PCDHA8: variants seen among roughly 807,000 people sequenced by gnomAD.
The protein encoded by PCDHA8 is protocadherin alpha-8.
A neutral mutation model predicts 61.8 loss-of-function variants in PCDHA8; 53 were observed. That is an observed-to-expected ratio of 0.86 (90% CI 0.69 to 1.08). The LOEUF (loss-of-function observed/expected upper bound fraction) is 1.08, where lower values mean the gene tolerates loss of function less well. PCDHA8 is among the 50% of genes least tolerant of loss of function. The pLI is 0.00. For missense variants in PCDHA8, 1,293 were observed against 1,245.0 expected (o/e 1.04, Z -0.58); for synonymous variants, 618 against 556.6 (o/e 1.11, Z -1.55).
chr5:140,968,614 A>G, intron 1 of PCDHA8: 5 of 1,614,142 alleles, frequency 3.1e-6, no homozygotes, highest in Non-Finnish European at 4.2e-6. Flanking sequence ...ACTCTGGGCA[A>G]AATGCTTGGC....
rs1310141347 is a variant in PCDHA8, at chr5:140,970,963, T to C, written c.2395-7986T>C. ...TGCTGAGAAACCATGGGAGGCAGAT[T>C]GTAGATTAAGAAAAATGGGGGAATA... On this transcript the variant is annotated intron_variant, in intron 1 of 3. Coordinates refer to ENST00000531613, the MANE Select transcript of PCDHA8 (RefSeq NM_018911.3). Among the ~76,000 whole-genome samples, 41 of 152,180 alleles carry C rather than the reference T, an allele frequency of 2.7e-4. 1 individual carries two copies. Among genetic ancestry groups the C allele is most frequent in the Admixed American group, 2.7e-3 (41 of 15,274 alleles).
Position 140,850,649 on chromosome 5 carries a change from C to T in PCDHA8, c.2394+6934C>T, listed in dbSNP as rs1413606456. The T allele has an allele frequency of 2.5e-6, 4 of 1,598,500 alleles. 1 individual carries two copies. Among genetic ancestry groups the T allele is most frequent in the Non-Finnish European group, 2.6e-6 (3 of 1,167,902 alleles). ...TGTTGGTTCTCACGCTGCTGCTGTA[C>T]ACTGTGCTGCGGTGCTCGGCGATGC... On this transcript the variant is annotated intron_variant, in intron 1 of 3. Transcript: ENST00000531613.
chr5:140,994,314 C>T (rs936811729), intron 3 of PCDHA8, among the ~76,000 whole-genome samples: 4 of 152,192 alleles, frequency 2.6e-5, no homozygotes, highest in African/African-American at 9.6e-5. Flanking sequence ...AGGGCCCAAA[C>T]ACTCTCAGCA....
At chr5:140,860,192 C>CATATATATATAT (rs143984774) in intron 1 of PCDHA8, 7 of 146,860 alleles carry the variant, frequency 4.8e-5, no homozygotes, top group African/African-American at 1.8e-4. Context: ...GCTCTCCTTA[C>CATATATATATAT]ATATATATCT....
chr5:140,982,014 C>A (rs546904836), intron 2 of PCDHA8, among the ~76,000 whole-genome samples: 1 of 152,152 alleles, frequency 6.6e-6, no homozygotes, highest in Admixed American at 6.5e-5. Context: ...AATTAGATAG[C>A]CAAATTGGAA....
At position 140,850,957 on chromosome 5, in the gene PCDHA8, CA is replaced by C; in HGVS notation, c.2394+7243del. On this transcript the variant is annotated intron_variant, in intron 1 of 3. Transcript: ENST00000531613. ...CTTGAAAGATATTATCGATTACTCCCAGGGGCCGTTCAAATAGTTTTATTCA... is the reference window on the plus strand; with the variant it reads ...CTTGAAAGATATTATCGATTACTCCCGGGGCCGTTCAAATAGTTTTATTCA... The C allele has an allele frequency of 1.1e-5, 17 of 1,481,512 alleles. 4 individuals are homozygous for C. The highest frequency in any genetic ancestry group is 1.5e-5 in the Non-Finnish European group (17 of 1,106,408). The allele number at this position is 1,481,512 out of a possible 1,614,324, so 91.8% of individuals were successfully genotyped here. A position where few individuals can be genotyped will look rare whatever the true frequency, so the allele number is the denominator to read the frequency against.
chr5:140,870,510 A>T, intron 1 of PCDHA8: 1 of 1,614,220 alleles, frequency 6.2e-7, no homozygotes, highest in Non-Finnish European at 8.5e-7. Context: ...ACAACCCACC[A>T]GGCTGCCACA....
intron 3 of PCDHA8, among the ~76,000 whole-genome samples, chr5:141,007,425 A>G (rs369535619): frequency 6.6e-4 from 98 of 148,834 alleles, no homozygotes; most frequent in African/African-American, 2.3e-3. Context: ...AAAATTAGCC[A>G]GGCATGGTGG....
chr5:140,920,519 C>T lies in PCDHA8; in HGVS notation c.2395-58430C>T, dbSNP rs555001599. Among the ~76,000 whole-genome samples the T allele has an allele frequency of 2.9e-4, 44 of 152,246 alleles. 2 individuals are homozygous for T. The highest frequency in any genetic ancestry group is 2.8e-4 in the Non-Finnish European group (19 of 68,008). On this transcript the variant is annotated intron_variant, in intron 1 of 3. Coordinates refer to ENST00000531613, the MANE Select transcript of PCDHA8 (RefSeq NM_018911.3). The stretch of plus-strand genomic sequence containing the variant: ...GTTCTACATACTGTTTTATGCAATT[C>T]GTTAGACTCAGGTTTTCTATTTCAC...
chr5:140,872,073 T>C (rs2053472746), intron 1 of PCDHA8, among the ~76,000 whole-genome samples: 1 of 152,222 alleles, frequency 6.6e-6, no homozygotes, highest in Admixed American at 6.5e-5. Context: ...TAGCTGGGAA[T>C]GCAGTGCCAC....
At chr5:140,890,718 T>A (rs2062769103) in intron 1 of PCDHA8, among the ~76,000 whole-genome samples, 1 of 152,212 alleles carries the variant, frequency 6.6e-6, no homozygotes, top group Non-Finnish European at 1.5e-5. Context: ...AAAATCTTTT[T>A]AATCCCTTTT....
At chr5:140,869,378 G>T in intron 1 of PCDHA8, 3 of 1,614,168 alleles carry the variant, frequency 1.9e-6, no homozygotes, top group East Asian at 2.2e-5. Flanking sequence ...CGGATCGACC[G>T]CGAGGAGCTG....
chr5:140,969,264 C>T, intron 1 of PCDHA8: 1 of 1,614,208 alleles, frequency 6.2e-7, no homozygotes, highest in Non-Finnish European at 8.5e-7. Flanking sequence ...AGGAATCTCA[C>T]AGGCCAAAGT....
chr5:140,924,830 G>A (rs1240824600), intron 1 of PCDHA8, among the ~76,000 whole-genome samples: 1 of 151,612 alleles, frequency 6.6e-6, no homozygotes, highest in African/African-American at 2.4e-5. Flanking sequence ...GGGAGGGGGA[G>A]GTTGCAGGGA....
intron 1 of PCDHA8, chr5:140,966,442 T>C (rs1474683794): frequency 4.7e-6 from 2 of 424,056 alleles, no homozygotes; most frequent in East Asian, 3.6e-5. Flanking sequence ...TACCGCTCCC[T>C]TTCCCCCTCC....
chr5:140,925,124 A>AGGAAGGAAGGAAGGAAGGAAGG, intron 1 of PCDHA8, among the ~76,000 whole-genome samples: 1 of 151,856 alleles, frequency 6.6e-6, no homozygotes, highest in South Asian at 2.1e-4. Flanking sequence ...GAAGGAAGGA[A>AGGAAGGAAGGAAGGAAGGAAGG]AAAAAATTTC....
chr5:140,966,732 G>T (rs2153748727), intron 1 of PCDHA8: 1 of 1,415,600 alleles, frequency 7.1e-7, no homozygotes, highest in African/African-American at 1.5e-5. Context: ...GCCGCCTCCG[G>T]CCCTGCCCGG....
At chr5:140,849,956 C>A in intron 1 of PCDHA8, 1 of 1,597,918 alleles carries the variant, frequency 6.3e-7, no homozygotes, top group African/African-American at 1.3e-5. Flanking sequence ...CGCAGGAGAA[C>A]GCCCTGGTGT....
chr5:140,976,623 A>T (rs2096725019), intron 1 of PCDHA8, among the ~76,000 whole-genome samples: 1 of 152,206 alleles, frequency 6.6e-6, no homozygotes, highest in Non-Finnish European at 1.5e-5. Context: ...CTGTCAGCTG[A>T]ACTCAGCAAT....
Sources: gnomAD v4.1 joint callset for allele counts (sites outside exome capture counted in the v4.1 genomes callset) on GRCh38, gnomAD v4.1.1 for gene constraint, MANE v1.5 for transcripts, NCBI Gene and HGNC (gene_info 2026-07-23, HGNC 2026-07-21) for gene names.